CFAP91: variants seen among roughly 807,000 people sequenced by gnomAD.
The protein encoded by CFAP91 is cilia- and flagella-associated protein 91.
CFAP91 carries 85 observed loss-of-function variants against 95.9 expected under a neutral mutation model. That is an observed-to-expected ratio of 0.89 (90% CI 0.74 to 1.06). CFAP91 has a LOEUF of 1.06. Among genes scored for constraint, CFAP91 ranks in the 50% least tolerant of loss-of-function variants. The probability of loss-of-function intolerance (pLI) is 0.00; values close to 1 mark genes in which losing one functional copy is unlikely to be tolerated. For synonymous variants in CFAP91, 335 were observed against 327.5 expected, an observed-to-expected ratio of 1.02 and a Z score of -0.25; for missense variants, 962 against 943.4, an observed-to-expected ratio of 1.02 and a Z score of -0.26.
intron 1 of CFAP91, among the ~76,000 whole-genome samples, chr3:119,705,354 C>G (rs915218856): frequency 1.3e-5 from 2 of 152,220 alleles, no homozygotes; most frequent in Non-Finnish European, 2.9e-5. Flanking sequence ...TTTTACCCTT[C>G]CTTATGAAGC....
chr3:119,714,181 C>G (rs1231020076), intron 5 of CFAP91, among the ~76,000 whole-genome samples: 5 of 151,176 alleles, frequency 3.3e-5, no homozygotes, highest in Non-Finnish European at 7.4e-5. Flanking sequence ...GCTAACATGG[C>G]GAAACCCCGT....
At chr3:119,730,675 T>C (rs1214818346) in intron 8 of CFAP91, among the ~76,000 whole-genome samples, 1 of 151,066 alleles carries the variant, frequency 6.6e-6, no homozygotes, top group Non-Finnish European at 1.5e-5. Context: ...GGGTTCCCCA[T>C]ATTCATGGTC....
chr3:119,755,892 CA>C (rs1307665482), intron 17 of CFAP91, among the ~76,000 whole-genome samples: 1 of 151,912 alleles, frequency 6.6e-6, no homozygotes, highest in Non-Finnish European at 1.5e-5. Flanking sequence ...CACAGAAAGA[CA>C]AAAGGATAGA....
chr3:119,721,214 TA>T (rs2053678718), intron 6 of CFAP91, among the ~76,000 whole-genome samples: 1 of 152,260 alleles, frequency 6.6e-6, no homozygotes, highest in Non-Finnish European at 1.5e-5. Flanking sequence ...TCATGTAATT[TA>T]CCATTTTAAC....
Position 119,733,345 on chromosome 3 carries a change from A to T in CFAP91, c.1202-19A>T. On this transcript the variant is annotated intron_variant, in intron 9 of 17. Transcript: ENST00000273390. ...AACGTAAGCACTGGATACTAAAAAC[A>T]TGTGCTTCCTTCCCATAGGATTAGT... The T allele has an allele frequency of 6.2e-7, 1 of 1,612,546 alleles. No individual in the cohort carries two copies. The highest frequency in any genetic ancestry group is 8.5e-7 in the Non-Finnish European group (1 of 1,179,406).
Position 119,737,400 on chromosome 3 carries a change from T to G in CFAP91, c.1379T>G (p.Val460Gly), listed in dbSNP as rs912335863. The change falls in exon 11 of 18, where the codon GTA (valine) becomes GGA (glycine). Residue 460 changes from valine to glycine, a missense_variant. Physicochemically the swap from Val to Gly is moderately radical, Grantham distance 109. Transcript: ENST00000273390. ...LLDKKNKVLE[V>G]KKPPRFLQRN... ...GATAAGAAGAATAAAGTTCTTGAAGTAAAGAAACCCCCTCGCTTCCTTCAA... is the reference window on the plus strand; with the variant it reads ...GATAAGAAGAATAAAGTTCTTGAAGGAAAGAAACCCCCTCGCTTCCTTCAA... The G allele has an allele frequency of 5.6e-6, 9 of 1,608,630 alleles. No individual in the cohort carries two copies. The African/African-American group carries it at 1.1e-4, about 19-fold the overall frequency.
At position 119,715,982 on chromosome 3, in the gene CFAP91, T is replaced by A. The variant is rs1312636158; in HGVS notation, c.682+239T>A. 1.8e-5 allele frequency: 11 copies of A among 594,822 alleles called. No homozygotes were observed. The South Asian group carries it at 2.3e-4, about 12-fold the overall frequency. 36.8% of individuals were successfully genotyped at this position (594,822 alleles called of 1,614,324 possible). A position where few individuals can be genotyped will look rare whatever the true frequency, so the allele number is the denominator to read the frequency against. ...GTGAAGCTGAATTTCAGCTTAATAT[T>A]GCAGTTGCTTTGCTGACTACTCACC... On this transcript the variant is annotated intron_variant, in intron 6 of 17. Transcript: ENST00000273390.
At chr3:119,760,061 C>T (rs2054507896) in intron 17 of CFAP91, among the ~76,000 whole-genome samples, 1 of 151,746 alleles carries the variant, frequency 6.6e-6, no homozygotes, top group African/African-American at 2.4e-5. Context: ...AGATTAAATT[C>T]TCCAATTCAA....
rs1384695787 is a variant in CFAP91, at chr3:119,765,172, AT to A, written c.*125del. The stretch of plus-strand genomic sequence containing the variant: ...CAGTGTGTGATTCATGAGAAAGGAG[AT>A]TTATTTTCCTTAAACATCCAATAAT... On this transcript the variant is annotated 3_prime_UTR_variant, in exon 18 of 18. Transcript: ENST00000273390. 5 of 152,140 alleles carry A rather than the reference AT, an allele frequency of 3.3e-5. No homozygotes were observed. The highest frequency in any genetic ancestry group is 2.6e-4 in the Admixed American group (4 of 15,270). The allele number at this position is 152,140 out of a possible 1,614,324, so 9.4% of individuals were successfully genotyped here. A position where few individuals can be genotyped will look rare whatever the true frequency, so the allele number is the denominator to read the frequency against.
intron 17 of CFAP91, among the ~76,000 whole-genome samples, chr3:119,754,525 G>A (rs1439504402): frequency 1.3e-5 from 2 of 152,354 alleles, no homozygotes; most frequent in Admixed American, 6.5e-5. Context: ...GGGATCATAT[G>A]AGCAGAAACA....
chr3:119,738,333 T>C (rs991320738), intron 11 of CFAP91, among the ~76,000 whole-genome samples: 15 of 39,612 alleles, frequency 3.8e-4, no homozygotes, highest in Non-Finnish European at 5.5e-4. Flanking sequence ...ACATATTGTC[T>C]TTTTTTTTTT....
At chr3:119,709,280 A>C (rs2107855327) in intron 4 of CFAP91, among the ~76,000 whole-genome samples, 1 of 152,372 alleles carries the variant, frequency 6.6e-6, no homozygotes, top group South Asian at 2.1e-4. Flanking sequence ...AGCTTCCTTG[A>C]GAAAGTAAAT....
Position 119,715,578 on chromosome 3 carries a change from T to G in CFAP91, c.517T>G (p.Phe173Val). The change falls in exon 6 of 18, where the codon TTT (phenylalanine) becomes GTT (valine). Residue 173 changes from phenylalanine (F) to valine (V), a missense_variant. By Grantham distance (50) the Phe-to-Val change is conservative. Coordinates refer to ENST00000273390, the MANE Select transcript of CFAP91 (RefSeq NM_033364.4). ...CTCTTTTAGGGCAGAACCATACACT[T>G]TTCCTCCTACTTCTACTAAGCACCT... ...YAVSKAEPYTFPPTSTKHLSI... is the reference protein window; with the variant it reads ...YAVSKAEPYTVPPTSTKHLSI... 6.2e-7 allele frequency: 1 copy of G among 1,614,062 alleles called. No individual in the cohort carries two copies.
At chr3:119,737,653 G>A (rs190454877) in intron 11 of CFAP91, among the ~76,000 whole-genome samples, 171 bp downstream of exon 11, 9 of 152,220 alleles carry the variant, frequency 5.9e-5, no homozygotes, top group Admixed American at 3.3e-4. Context: ...AAAAACAAAC[G>A]AGATGAAATG....
At chr3:119,738,402 G>A (rs2054054618) in intron 11 of CFAP91, among the ~76,000 whole-genome samples, 1 of 114,474 alleles carries the variant, frequency 8.7e-6, no homozygotes, top group African/African-American at 3.2e-5. Flanking sequence ...AGGCTGAAGT[G>A]CAGTGGTGCA....
At chr3:119,736,977 C>T (rs979584086) in intron 10 of CFAP91, among the ~76,000 whole-genome samples, 1 of 152,168 alleles carries the variant, frequency 6.6e-6, no homozygotes, top group African/African-American at 2.4e-5. Flanking sequence ...GCTGGGATTA[C>T]AGGCATGCAC....
At chr3:119,719,393 G>T (rs1338048422) in intron 6 of CFAP91, among the ~76,000 whole-genome samples, 2 of 151,772 alleles carry the variant, frequency 1.3e-5, no homozygotes, top group Non-Finnish European at 2.9e-5. Context: ...TTTTGTTTAT[G>T]TATGCTGTAC....
intron 15 of CFAP91, 133 bp downstream of exon 15, chr3:119,747,396 A>C (rs1340716397): frequency 6.7e-6 from 7 of 1,051,702 alleles, no homozygotes; most frequent in Non-Finnish European, 9.5e-6. Context: ...TTGTTTTATT[A>C]ACATTAACTC....
At chr3:119,730,856 A>G (rs2053884294) in intron 8 of CFAP91, among the ~76,000 whole-genome samples, 1 of 152,228 alleles carries the variant, frequency 6.6e-6, no homozygotes, top group Non-Finnish European at 1.5e-5. Flanking sequence ...TACTTTATAC[A>G]TGAAAAGAGG....
Sources: allele counts gnomAD v4.1 joint callset (sites outside exome capture counted in the v4.1 genomes callset), GRCh38; gene constraint gnomAD v4.1.1; transcripts MANE v1.5; gene names NCBI Gene and HGNC (gene_info 2026-07-23, HGNC 2026-07-21).